Variants in ANKS1B observed in about 807,000 individuals in gnomAD.
ANKS1B encodes ankyrin repeat and sterile alpha motif domain containing 1B.
ANKS1B carries 36 observed loss-of-function variants against 148.3 expected under a neutral mutation model. The ratio of observed to expected loss-of-function variants is 0.24; its 90% CI spans 0.19 to 0.32. ANKS1B has a LOEUF of 0.32. Among genes scored for constraint, ANKS1B ranks in the 10% least tolerant of loss-of-function variants. ANKS1B has a pLI of 1.00. For missense variants in ANKS1B, 1,157 were observed against 1,542.6 expected (o/e 0.75, Z 4.19); for synonymous variants, 542 against 560.8 (o/e 0.97, Z 0.47).
chr12:99,722,521 C>T (rs946895615), intron 8 of ANKS1B, among the ~76,000 whole-genome samples: 1 of 152,160 alleles, frequency 6.6e-6, no homozygotes, highest in Non-Finnish European at 1.5e-5. Flanking sequence ...ATTTTAAGCC[C>T]ACTGTTGAGA....
At chr12:99,046,790 A>G (rs1232411917) in intron 17 of ANKS1B, among the ~76,000 whole-genome samples, 1 of 146,860 alleles carries the variant, frequency 6.8e-6, no homozygotes, top group Non-Finnish European at 1.5e-5. Flanking sequence ...CCTGGGCAAC[A>G]GAGCGAGACT....
At chr12:99,586,665 C>G (rs531036219) in intron 9 of ANKS1B, among the ~76,000 whole-genome samples, 2 of 152,096 alleles carry the variant, frequency 1.3e-5, no homozygotes, top group African/African-American at 4.8e-5. Context: ...AAGGCATACT[C>G]GAGGCTGGGT....
chr12:99,434,078 C>G (rs1185477808), intron 11 of ANKS1B, among the ~76,000 whole-genome samples: 1 of 152,012 alleles, frequency 6.6e-6, no homozygotes, highest in African/African-American at 2.4e-5. Flanking sequence ...AATTTTAGAA[C>G]AGGCAAGATT....
At chr12:99,200,760 G>A (rs890056909) in intron 14 of ANKS1B, among the ~76,000 whole-genome samples, 41 of 152,170 alleles carry the variant, frequency 2.7e-4, no homozygotes, top group African/African-American at 9.9e-4. Flanking sequence ...GAAGATTCTA[G>A]GCAGTTCTTA....
At chr12:99,004,975 C>T (rs2099935280) in intron 17 of ANKS1B, among the ~76,000 whole-genome samples, 1 of 152,094 alleles carries the variant, frequency 6.6e-6, no homozygotes, top group Non-Finnish European at 1.5e-5. Context: ...TCAATAATTG[C>T]CTGTGCCCTC....
At chr12:99,560,840 CTTTTTT>C (rs58588885) in intron 9 of ANKS1B, among the ~76,000 whole-genome samples, 1,153 of 71,884 alleles carry the variant, frequency 0.016, 5 homozygotes, top group Non-Finnish European at 0.022. Flanking sequence ...TTTCTTTTTT[CTTTTTT>C]TTTTTTTTTT....
chr12:99,303,151 C>T (rs2081902368), intron 12 of ANKS1B, among the ~76,000 whole-genome samples: 1 of 152,110 alleles, frequency 6.6e-6, no homozygotes, highest in African/African-American at 2.4e-5. Context: ...GAAATGTACA[C>T]AGCAGTACTG....
chr12:98,933,589 G>A (rs928223108), intron 17 of ANKS1B, among the ~76,000 whole-genome samples: 2 of 151,926 alleles, frequency 1.3e-5, no homozygotes, highest in African/African-American at 2.4e-5. Flanking sequence ...GCTTTTCATA[G>A]CAGCTATACC....
intron 26 of ANKS1B, among the ~76,000 whole-genome samples, chr12:98,748,384 TC>T (rs1185075772): frequency 6.6e-6 from 1 of 152,116 alleles, no homozygotes; most frequent in Non-Finnish European, 1.5e-5. Context: ...AACGGGACAC[TC>T]CTGGGGCGGG....
At chr12:99,126,510 C>T (rs551924977) in intron 15 of ANKS1B, among the ~76,000 whole-genome samples, 1 of 152,222 alleles carries the variant, frequency 6.6e-6, no homozygotes, top group Admixed American at 6.5e-5. Context: ...CCTCCCCCCA[C>T]CTTACCCTGC....
chr12:99,014,101 C>A (rs1011881247), intron 17 of ANKS1B, among the ~76,000 whole-genome samples: 1 of 152,050 alleles, frequency 6.6e-6, no homozygotes, highest in Admixed American at 6.5e-5. Context: ...CTGGAGGCAC[C>A]ATGCTACCCA....
intron 12 of ANKS1B, among the ~76,000 whole-genome samples, chr12:99,293,250 G>A (rs1040793988): frequency 4.6e-5 from 7 of 150,740 alleles, no homozygotes; most frequent in Non-Finnish European, 1.0e-4. Context: ...CTATCACAAG[G>A]ACAGAAAACC....
At chr12:99,118,661 C>A (rs2061980833) in intron 15 of ANKS1B, among the ~76,000 whole-genome samples, 2 of 152,126 alleles carry the variant, frequency 1.3e-5, no homozygotes, top group South Asian at 4.1e-4. Context: ...TTCATATGCT[C>A]AAATCAAGTA....
chr12:99,393,098 A>T (rs1357289048), intron 12 of ANKS1B, among the ~76,000 whole-genome samples: 1 of 117,092 alleles, frequency 8.5e-6, no homozygotes, highest in African/African-American at 3.3e-5. Flanking sequence ...TAGACAGATG[A>T]TAGATAGATA....
At chr12:99,386,659 A>C (rs2093871754) in intron 12 of ANKS1B, among the ~76,000 whole-genome samples, 1 of 152,226 alleles carries the variant, frequency 6.6e-6, no homozygotes, top group Non-Finnish European at 1.5e-5. Context: ...AGTGAAATTA[A>C]TGATTTTGGA....
intron 16 of ANKS1B, among the ~76,000 whole-genome samples, chr12:99,054,583 G>A (rs1264482055): frequency 1.3e-5 from 2 of 152,006 alleles, no homozygotes; most frequent in African/African-American, 4.8e-5. Flanking sequence ...CTATTGCCCA[G>A]GCTGGAGTGC....
chr12:98,964,421 T>A (rs143286899), intron 17 of ANKS1B, among the ~76,000 whole-genome samples: 2 of 152,286 alleles, frequency 1.3e-5, no homozygotes, highest in South Asian at 4.1e-4. Context: ...GGAACTATCA[T>A]GTAATCCAGT....
intron 17 of ANKS1B, among the ~76,000 whole-genome samples, chr12:98,857,348 A>G (rs1395530286): frequency 2.0e-5 from 3 of 152,232 alleles, no homozygotes; most frequent in Non-Finnish European, 4.4e-5. Flanking sequence ...CTATTTGGAT[A>G]CTGCTGGGAC....
intron 12 of ANKS1B, among the ~76,000 whole-genome samples, chr12:99,330,986 T>C (rs1361047466): frequency 1.3e-5 from 2 of 152,046 alleles, no homozygotes; most frequent in Non-Finnish European, 2.9e-5. Flanking sequence ...ATCATTTTTA[T>C]ACATTCGAGG....
Sources: allele counts gnomAD v4.1 joint callset (sites outside exome capture counted in the v4.1 genomes callset), GRCh38; gene constraint gnomAD v4.1.1; transcripts MANE v1.5; gene names NCBI Gene and HGNC (gene_info 2026-07-23, HGNC 2026-07-21).